Variants in CSMD3 observed in about 807,000 individuals in gnomAD.
CSMD3 encodes the protein CUB and Sushi multiple domains 3, also known as CUB and sushi domain-containing protein 3.
CSMD3 carries 177 observed loss-of-function variants against 435.2 expected under a neutral mutation model. The ratio of observed to expected loss-of-function variants is 0.41; its 90% CI spans 0.36 to 0.46. The LOEUF (loss-of-function observed/expected upper bound fraction) is 0.46, where lower values mean the gene tolerates loss of function less well. CSMD3 is among the 20% of genes least tolerant of loss of function. CSMD3 has a pLI of 0.34. For missense variants in CSMD3, 4,265 were observed against 4,504.6 expected (o/e 0.95, Z 1.52); for synonymous variants, 1,656 against 1,520.5 (o/e 1.09, Z -2.07).
intron 4 of CSMD3, among the ~76,000 whole-genome samples, chr8:113,171,006 GAA>G (rs879836399): frequency 3.0e-5 from 4 of 134,926 alleles, no homozygotes; most frequent in Non-Finnish European, 4.8e-5. Context: ...AATGGCAATA[GAA>G]AAAAAAAAAA....
At position 112,470,893 on chromosome 8, in the gene CSMD3, CA is replaced by C. The variant is rs905844288; in HGVS notation, c.5395+1697del. Among the ~76,000 whole-genome samples, 6 of 149,906 alleles carry C rather than the reference CA, an allele frequency of 4.0e-5. No individual in the cohort carries two copies. In the East Asian group the frequency reaches 5.9e-4, roughly 15 times the overall value. On this transcript the variant is annotated intron_variant, in intron 32 of 70. Coordinates refer to ENST00000297405, the MANE Select transcript of CSMD3 (RefSeq NM_198123.2). ...ATCAAAGTACACTTTGTTTTGTCCA[CA>C]AAAAAAACAAGAAGATTCATTTAAA...
intron 41 of CSMD3, among the ~76,000 whole-genome samples, chr8:112,343,001 T>TTTATATATATTTA: frequency 9.1e-6 from 1 of 109,678 alleles, no homozygotes; most frequent in Admixed American, 9.8e-5. Flanking sequence ...ATATATATAT[T>TTTATATATATTTA]TATATATATA....
At chr8:112,904,076 G>A (rs1000874207) in intron 10 of CSMD3, among the ~76,000 whole-genome samples, 5 of 151,234 alleles carry the variant, frequency 3.3e-5, no homozygotes, top group Non-Finnish European at 7.4e-5. Flanking sequence ...TTTAAACAAT[G>A]CTTTTTCCCC....
chr8:112,479,456 A>G (rs899449991), intron 31 of CSMD3, among the ~76,000 whole-genome samples: 4 of 152,168 alleles, frequency 2.6e-5, no homozygotes, highest in African/African-American at 9.7e-5. Context: ...GACAATGGGG[A>G]AAAGGTTTTG....
chr8:112,343,720 A>G (rs1000899952), intron 41 of CSMD3, among the ~76,000 whole-genome samples: 1 of 152,046 alleles, frequency 6.6e-6, no homozygotes, highest in African/African-American at 2.4e-5. Context: ...ATCACAGCTC[A>G]CTGTAAACTC....
intron 31 of CSMD3, among the ~76,000 whole-genome samples, chr8:112,488,052 T>C (rs561403661): frequency 6.6e-6 from 1 of 152,274 alleles, no homozygotes; most frequent in South Asian, 2.1e-4. Context: ...TATATGACAA[T>C]ATCATCAGCT....
intron 22 of CSMD3, among the ~76,000 whole-genome samples, chr8:112,596,207 G>GA (rs556615900): frequency 0.062 from 9,449 of 151,604 alleles, 454 homozygotes; most frequent in Non-Finnish European, 0.097. Flanking sequence ...AAAGGCAGGG[G>GA]TTGCAATCCT....
At chr8:112,916,312 T>C (rs1364981672) in intron 10 of CSMD3, among the ~76,000 whole-genome samples, 1 of 151,856 alleles carries the variant, frequency 6.6e-6, no homozygotes, top group Non-Finnish European at 1.5e-5. Flanking sequence ...AAGTGATCTA[T>C]CTTCTACTAA....
intron 3 of CSMD3, among the ~76,000 whole-genome samples, chr8:113,221,740 A>G (rs1265806534): frequency 6.6e-6 from 1 of 151,266 alleles, no homozygotes; most frequent in African/African-American, 2.4e-5. Flanking sequence ...TTCTGTACTA[A>G]AAGATTGTCT....
rs188297710 is a variant in CSMD3 at position 112,875,216 on chromosome 8, T to C, written c.1634-15950A>G. On this transcript the variant is annotated intron_variant, in intron 10 of 70. Transcript: ENST00000297405. ...GGATATGAAATTCTAGGTTGAAAAT[T>C]CTTTTCTTTAAGAATGTCAAATATT... Among the ~76,000 whole-genome samples, 151 of 152,004 alleles carry C rather than the reference T, an allele frequency of 9.9e-4. 1 individual carries two copies. Among genetic ancestry groups the C allele is most frequent in the Non-Finnish European group, 1.6e-3 (108 of 68,008 alleles).
intron 5 of CSMD3, among the ~76,000 whole-genome samples, chr8:113,091,352 T>C (rs1352838957): frequency 1.3e-5 from 2 of 152,072 alleles, no homozygotes; most frequent in East Asian, 3.9e-4. Flanking sequence ...TAGCATTAGT[T>C]CTCCTTTAAA....
intron 1 of CSMD3, among the ~76,000 whole-genome samples, chr8:113,367,213 T>C (rs2094317996): frequency 6.6e-6 from 1 of 151,778 alleles, no homozygotes; most frequent in South Asian, 2.1e-4. Context: ...TATTCCTGTT[T>C]AGAAACAACA....
rs2075095726 is a variant in CSMD3 at position 112,650,424 on chromosome 8, T to C, written c.3005-75A>G. ...GTTGCTGAAAATAATTCCTAGTTCT[T>C]CAAACAATTACAAGCAATGATTTTT... On this transcript the variant is annotated intron_variant, in intron 18 of 70. Coordinates refer to ENST00000297405, the MANE Select transcript of CSMD3 (RefSeq NM_198123.2). 21 of 1,143,600 alleles carry C rather than the reference T, an allele frequency of 1.8e-5. No homozygotes were observed. The South Asian group carries it at 2.6e-4, about 14-fold the overall frequency. The allele number at this position is 1,143,600 out of a possible 1,614,324, so 70.8% of individuals were successfully genotyped here.
At chr8:113,084,795 T>A (rs906578707) in intron 5 of CSMD3, among the ~76,000 whole-genome samples, 18 of 151,866 alleles carry the variant, frequency 1.2e-4, no homozygotes, top group Non-Finnish European at 1.8e-4. Context: ...ATAGAGAACC[T>A]GAAAATAGAT....
At chr8:112,483,866 A>G (rs972712679) in intron 31 of CSMD3, among the ~76,000 whole-genome samples, 5 of 152,192 alleles carry the variant, frequency 3.3e-5, no homozygotes, top group African/African-American at 1.2e-4. Context: ...GGAGAAGTTC[A>G]TGGCTTGTAT....
At chr8:112,790,559 A>C (rs1418196997) in intron 13 of CSMD3, among the ~76,000 whole-genome samples, 1 of 152,120 alleles carries the variant, frequency 6.6e-6, no homozygotes, top group African/African-American at 2.4e-5. Flanking sequence ...AAATGGAAAA[A>C]TGAATGCAAT....
chr8:112,443,034 C>A (rs1228506363), intron 32 of CSMD3, among the ~76,000 whole-genome samples: 2 of 152,278 alleles, frequency 1.3e-5, no homozygotes, highest in East Asian at 3.9e-4. Context: ...ATAATATAAT[C>A]CCCTTTTTCC....
At chr8:112,358,834 A>G (rs1482359078) in intron 38 of CSMD3, among the ~76,000 whole-genome samples, 1 of 152,158 alleles carries the variant, frequency 6.6e-6, no homozygotes, top group Non-Finnish European at 1.5e-5. Flanking sequence ...TGATGAGATT[A>G]TTCATACCCC....
intron 32 of CSMD3, among the ~76,000 whole-genome samples, chr8:112,441,059 A>C (rs1383144678): frequency 6.6e-6 from 1 of 151,974 alleles, no homozygotes; most frequent in Non-Finnish European, 1.5e-5. Flanking sequence ...CTTTTTACTT[A>C]ATTGCCAGGC....
Sources: gnomAD v4.1 joint callset for allele counts (sites outside exome capture counted in the v4.1 genomes callset) on GRCh38, gnomAD v4.1.1 for gene constraint, MANE v1.5 for transcripts, NCBI Gene and HGNC (gene_info 2026-07-23, HGNC 2026-07-21) for gene names.